Variants in PCDHGB7 observed in about 807,000 individuals in gnomAD.
PCDHGB7 encodes protocadherin gamma subfamily B, 7, also known as protocadherin gamma-B7.
A neutral mutation model predicts 61.4 loss-of-function variants in PCDHGB7; 37 were observed. That is an observed-to-expected ratio of 0.60 (90% CI 0.46 to 0.79). The LOEUF (loss-of-function observed/expected upper bound fraction) is 0.79. Ranked by LOEUF, PCDHGB7 falls within the 30% of genes least tolerant of loss-of-function variation. The pLI, the probability that PCDHGB7 is intolerant of heterozygous loss-of-function variation, is 0.00. For missense variants in PCDHGB7, 1,166 were observed against 1,202.5 expected, an observed-to-expected ratio of 0.97 and a Z score of 0.45; for synonymous variants, 464 against 503.5, an observed-to-expected ratio of 0.92 and a Z score of 1.05.
chr5:141,481,871 G>A (rs372191396), intron 1 of PCDHGB7, among the ~76,000 whole-genome samples: 73 of 144,864 alleles, frequency 5.0e-4, no homozygotes, highest in Non-Finnish European at 9.7e-4. Context: ...CCGAGATCGC[G>A]CCACTGCACT....
chr5:141,505,558 C>A (rs945428797), intron 3 of PCDHGB7, 77 bp downstream of exon 3: 1 of 1,605,016 alleles, frequency 6.2e-7, no homozygotes, highest in African/African-American at 1.3e-5. Context: ...ACCATGCCCA[C>A]GGACTGGATG....
At chr5:141,509,625 G>T (rs915049847) in intron 3 of PCDHGB7, among the ~76,000 whole-genome samples, 1 of 152,186 alleles carries the variant, frequency 6.6e-6, no homozygotes, top group Non-Finnish European at 1.5e-5. Flanking sequence ...AAGTTCCTGG[G>T]TGATGCTGAG....
intron 1 of PCDHGB7, among the ~76,000 whole-genome samples, chr5:141,474,672 T>C (rs1203448521): frequency 2.0e-5 from 3 of 152,228 alleles, no homozygotes; most frequent in Non-Finnish European, 4.4e-5. Flanking sequence ...ACCTAACCTA[T>C]GTGCCTACCC....
At position 141,433,251 on chromosome 5, in the gene PCDHGB7, C is replaced by T. The variant is rs1022165468; in HGVS notation, c.2415+12977C>T. The T allele has an allele frequency of 1.1e-5, 16 of 1,423,126 alleles. No homozygotes were observed. In the East Asian group the frequency reaches 3.7e-4, roughly 33 times the overall value. 88.2% of individuals were successfully genotyped at this position (1,423,126 alleles called of 1,614,324 possible). A position where few individuals can be genotyped will look rare whatever the true frequency, so the allele number is the denominator to read the frequency against. ...CTCTGTCTCCCAAGCTGGAATGCAGCGGTACGATCATAGCTCACTGCAGCC... is the reference window on the plus strand; with the variant it reads ...CTCTGTCTCCCAAGCTGGAATGCAGTGGTACGATCATAGCTCACTGCAGCC... On this transcript the variant is annotated intron_variant, in intron 1 of 3. Transcript: ENST00000398594.
rs373446844 is a variant in PCDHGB7, at chr5:141,486,661, G to A, written c.2416-8146G>A. The A allele has an allele frequency of 3.1e-6, 5 of 1,613,836 alleles. No individual in the cohort carries two copies. In the African/African-American group the frequency reaches 4.0e-5, roughly 13 times the overall value. On this transcript the variant is annotated intron_variant, in intron 1 of 3. Transcript: ENST00000398594. The surrounding 1 kb of genome is among the most constrained non-coding windows in gnomAD (Gnocchi z 5.0). The stretch of plus-strand genomic sequence containing the variant: ...CGCTTATCTCCTACTCACTCCTGGA[G>A]CCCAGGAATCGAGATGTATCAGCTT...
At chr5:141,435,503 A>G (rs2097767522) in intron 1 of PCDHGB7, among the ~76,000 whole-genome samples, 1 of 152,170 alleles carries the variant, frequency 6.6e-6, no homozygotes, top group Non-Finnish European at 1.5e-5. Context: ...TACACTAATG[A>G]TACTAATGAT....
In PCDHGB7 at chr5:141,477,028, G is replaced by A. The variant is rs1015508317; in HGVS notation, c.2416-17779G>A. On this transcript the variant is annotated intron_variant, in intron 1 of 3. Coordinates refer to ENST00000398594, the MANE Select transcript of PCDHGB7 (RefSeq NM_018927.4). The surrounding 1 kb of genome is among the most constrained non-coding windows in gnomAD (Gnocchi z 4.9). ...CCTTAGACCTTGTAACCGGGATGCT[G>A]ACAATCAAGGGTCGGCTGGACTTCG... The A allele has an allele frequency of 2.5e-6, 4 of 1,614,146 alleles. No homozygotes were observed. The highest frequency in any genetic ancestry group is 1.7e-5 in the Admixed American group (1 of 60,018).
chr5:141,456,576 A>C (rs1383992335), intron 1 of PCDHGB7, among the ~76,000 whole-genome samples: 2 of 152,188 alleles, frequency 1.3e-5, no homozygotes, highest in African/African-American at 4.8e-5. Context: ...ATTTTCCCTG[A>C]GCCTGTCAAT....
chr5:141,423,482 A>G, intron 1 of PCDHGB7: 2 of 1,613,968 alleles, frequency 1.2e-6, no homozygotes, highest in African/African-American at 1.3e-5. Flanking sequence ...GCTTTCCTGC[A>G]AACCTATTCC....
rs138408376 is a variant in PCDHGB7 at position 141,421,859 on chromosome 5, T to C, written c.2415+1585T>C. The stretch of plus-strand genomic sequence containing the variant: ...CGAGAGAAAGAGGCTGCTCACCTGC[T>C]CCTCCTCACAGCTTTAGATGGAGGC... On this transcript the variant is annotated intron_variant, in intron 1 of 3. Coordinates refer to ENST00000398594, the MANE Select transcript of PCDHGB7 (RefSeq NM_018927.4). The C allele has an allele frequency of 1.7e-3, 2,741 of 1,613,710 alleles. 8 individuals carry two copies. Among genetic ancestry groups the C allele is most frequent in the Middle Eastern group, 8.1e-3 (49 of 6,062 alleles).
chr5:141,447,851 C>T (rs961725006), intron 1 of PCDHGB7, among the ~76,000 whole-genome samples: 1 of 151,980 alleles, frequency 6.6e-6, no homozygotes, highest in East Asian at 1.9e-4. Flanking sequence ...TTTGGGAGGC[C>T]GAGGTGGGTG....
At position 141,447,418 on chromosome 5, in the gene PCDHGB7, G is replaced by A. The variant is rs113957183; in HGVS notation, c.2415+27144G>A. On this transcript the variant is annotated intron_variant, in intron 1 of 3. Transcript: ENST00000398594. ...CTCCCAAAGTGCTGGGATTACAGGC[G>A]TGAGCCACCGCACCCGGAGGAAATT... Among the ~76,000 whole-genome samples, 1,263 of 152,230 alleles carry A rather than the reference G, an allele frequency of 8.3e-3. 17 individuals carry two copies. The highest frequency in any genetic ancestry group is 0.029 in the African/African-American group (1,197 of 41,538).
rs961891623 is a variant in PCDHGB7 at position 141,487,938 on chromosome 5, GC to G, written c.2416-6868del. The G allele has an allele frequency of 2.8e-5, 17 of 600,188 alleles. No homozygotes were observed. The highest frequency in any genetic ancestry group is 4.7e-5 in the Non-Finnish European group (16 of 342,978). 37.2% of individuals were successfully genotyped at this position (600,188 alleles called of 1,614,324 possible). ...GAGGCTACAGTGCACAGGGTACAGTGCACCAGGCAGTCACTTGGACAAAGGT... is the reference window on the plus strand; with the variant it reads ...GAGGCTACAGTGCACAGGGTACAGTGACCAGGCAGTCACTTGGACAAAGGT... On this transcript the variant is annotated intron_variant, in intron 1 of 3. Coordinates refer to ENST00000398594, the MANE Select transcript of PCDHGB7 (RefSeq NM_018927.4). The surrounding 1 kb of genome is among the most constrained non-coding windows in gnomAD (Gnocchi z 5.0).
At position 141,486,785 on chromosome 5, in the gene PCDHGB7, C is replaced by T. The variant is rs763174232; in HGVS notation, c.2416-8022C>T. 1.2e-5 allele frequency: 20 copies of T among 1,614,102 alleles called. No homozygotes were observed. The highest frequency in any genetic ancestry group is 5.3e-5 in the African/African-American group (4 of 74,936). On this transcript the variant is annotated intron_variant, in intron 1 of 3. Transcript: ENST00000398594. This position sits in a 1 kb window ranked among gnomAD's most constrained non-coding sequence, Gnocchi z 5.0. ...GACACTGCAGTTTGAGGTGCAGGCC[C>T]GGGATCGGGGCAACCCACCCCTTAG...
intron 3 of PCDHGB7, among the ~76,000 whole-genome samples, chr5:141,510,531 T>C (rs1459536719): frequency 6.6e-6 from 1 of 152,078 alleles, no homozygotes; most frequent in Non-Finnish European, 1.5e-5. Context: ...CTGAGAGAAA[T>C]ACCAGCGAAT....
intron 1 of PCDHGB7, among the ~76,000 whole-genome samples, chr5:141,488,423 T>C (rs1204233986): frequency 2.0e-5 from 3 of 152,354 alleles, no homozygotes; most frequent in Non-Finnish European, 4.4e-5. Context: ...CCATCCATGC[T>C]TGGCCTCTGA....
chr5:141,453,560 G>A (rs1230229107), intron 1 of PCDHGB7, among the ~76,000 whole-genome samples: 3 of 151,968 alleles, frequency 2.0e-5, no homozygotes, highest in Admixed American at 6.6e-5. Flanking sequence ...GTAGATAATC[G>A]ATTTCATTAG....
At chr5:141,457,677 T>C (rs1386991642) in intron 1 of PCDHGB7, among the ~76,000 whole-genome samples, 1 of 152,262 alleles carries the variant, frequency 6.6e-6, no homozygotes, top group Non-Finnish European at 1.5e-5. Flanking sequence ...TATTTCTACA[T>C]AGGACTTTTG....
chr5:141,511,265 A>C lies in PCDHGB7; in HGVS notation c.*92A>C. The C allele has an allele frequency of 6.4e-7, 1 of 1,551,730 alleles. No individual in the cohort carries two copies. Among genetic ancestry groups the C allele is most frequent in the Non-Finnish European group, 8.7e-7 (1 of 1,148,178 alleles). ...ACCCAGGCCTCAGAGTTTCAGGGCT[A>C]ACCCCCAGAATACTGGTAGGGGCCA... On this transcript the variant is annotated 3_prime_UTR_variant, in exon 4 of 4. Coordinates refer to ENST00000398594, the MANE Select transcript of PCDHGB7 (RefSeq NM_018927.4).
Sources: allele counts gnomAD v4.1 joint callset (sites outside exome capture counted in the v4.1 genomes callset), GRCh38; gene constraint gnomAD v4.1.1; non-coding constraint Gnocchi (gnomAD v3.1); transcripts MANE v1.5; gene names NCBI Gene and HGNC (gene_info 2026-07-23, HGNC 2026-07-21).